The following AGK variants were observed in gnomAD, a reference collection of about 807,000 sequenced individuals.
AGK encodes the protein acylglycerol kinase, mitochondrial.
In AGK, 52 loss-of-function variants were observed where a neutral mutation model predicts 66.4. That is an observed-to-expected ratio of 0.78 (90% CI 0.63 to 0.99). AGK has a LOEUF of 0.99. AGK is among the 50% of genes least tolerant of loss of function. AGK has a pLI of 0.00. For missense variants in AGK, 451 were observed against 506.6 expected, an observed-to-expected ratio of 0.89 and a Z score of 1.05; for synonymous variants, 182 against 181.1, an observed-to-expected ratio of 1.00 and a Z score of -0.04.
At chr7:141,585,546 G>C (rs1795978514) in intron 2 of AGK, among the ~76,000 whole-genome samples, 1 of 152,110 alleles carries the variant, frequency 6.6e-6, no homozygotes, top group African/African-American at 2.4e-5. Context: ...ATGCACCAAG[G>C]GAAAAGCTGG....
At chr7:141,558,039 T>C (rs986144063) in intron 2 of AGK, among the ~76,000 whole-genome samples, 2 of 152,236 alleles carry the variant, frequency 1.3e-5, no homozygotes, top group African/African-American at 2.4e-5. Context: ...ACCACTATTC[T>C]ACTTTCTGTT....
At chr7:141,621,592 G>A (rs1796825936) in intron 8 of AGK, 140 bp from the exon 9 acceptor site, 1 of 645,076 alleles carries the variant, frequency 1.6e-6, no homozygotes, top group Admixed American at 2.8e-5. Context: ...GAGGGAAGGA[G>A]GGGGAGAGAG....
At chr7:141,649,799 C>T (rs867470609) in intron 14 of AGK, among the ~76,000 whole-genome samples, 4 of 152,252 alleles carry the variant, frequency 2.6e-5, no homozygotes, top group Non-Finnish European at 5.9e-5. Flanking sequence ...TTTTGAAGCA[C>T]TTCACAGTAT....
At chr7:141,608,157 G>C (rs1796504287) in intron 5 of AGK, among the ~76,000 whole-genome samples, 1 of 152,116 alleles carries the variant, frequency 6.6e-6, no homozygotes, top group Middle Eastern at 3.2e-3. Context: ...ATGCAGGTGA[G>C]AAACAAATAT....
intron 2 of AGK, among the ~76,000 whole-genome samples, chr7:141,569,852 A>C (rs997937228): frequency 3.3e-5 from 5 of 152,186 alleles, no homozygotes; most frequent in Admixed American, 1.3e-4. Context: ...AAGAACTGTA[A>C]GCTGAGATTA....
chr7:141,622,460 G>A (rs1796848355), intron 9 of AGK, among the ~76,000 whole-genome samples: 1 of 152,148 alleles, frequency 6.6e-6, no homozygotes, highest in Non-Finnish European at 1.5e-5. Flanking sequence ...TCATGACTCT[G>A]TGTCACATTT....
intron 2 of AGK, among the ~76,000 whole-genome samples, chr7:141,562,458 G>A (rs1396906807): frequency 6.6e-6 from 1 of 152,178 alleles, no homozygotes; most frequent in African/African-American, 2.4e-5. Flanking sequence ...GGCTCATAGA[G>A]AAATACCTTC....
intron 2 of AGK, among the ~76,000 whole-genome samples, chr7:141,579,895 T>G (rs1263634256): frequency 6.6e-6 from 1 of 151,660 alleles, no homozygotes; most frequent in Non-Finnish European, 1.5e-5. Flanking sequence ...TAGGTGGGAG[T>G]GACCAATGAG....
At chr7:141,563,544 A>G (rs1037339433) in intron 2 of AGK, among the ~76,000 whole-genome samples, 3 of 152,136 alleles carry the variant, frequency 2.0e-5, no homozygotes, top group Non-Finnish European at 4.4e-5. Context: ...TGGATGACCT[A>G]CCTAACAACT....
intron 2 of AGK, among the ~76,000 whole-genome samples, chr7:141,576,615 T>C (rs1466666903): frequency 1.3e-5 from 2 of 149,738 alleles, no homozygotes; most frequent in African/African-American, 5.0e-5. Context: ...TAGATACTGA[T>C]ACTAGAGACA....
At position 141,557,365 on chromosome 7, in the gene AGK, C is replaced by T. The variant is rs187443612; in HGVS notation, c.101+1798C>T. ...ATTTGTAATTAAGAAAAGGGTGGAG[C>T]GGATATTTTAACAAATGGAGCATGG... On this transcript the variant is annotated intron_variant, in intron 2 of 15. Coordinates refer to ENST00000649286, the MANE Select transcript of AGK (RefSeq NM_018238.4). Among the ~76,000 whole-genome samples the T allele has an allele frequency of 3.2e-3, 493 of 152,266 alleles. 3 individuals carry two copies. The highest frequency in any genetic ancestry group is 0.011 in the African/African-American group (464 of 41,560).
In AGK at chr7:141,583,020, C is replaced by T. The variant is rs566171955; in HGVS notation, c.102-10126C>T. Among the ~76,000 whole-genome samples the T allele has an allele frequency of 4.6e-5, 7 of 151,906 alleles. 1 individual carries two copies. Among genetic ancestry groups the T allele is most frequent in the Admixed American group, 4.6e-4 (7 of 15,280 alleles). Reference sequence around the variant, plus strand: ...GGACAAGTTGCATTGGGAACAGAGACTAGGAAGGGACCGATGTGTAAAAGA... The same window carrying T: ...GGACAAGTTGCATTGGGAACAGAGATTAGGAAGGGACCGATGTGTAAAAGA... On this transcript the variant is annotated intron_variant, in intron 2 of 15. Transcript: ENST00000649286.
At chr7:141,554,424 A>G (rs1179255866) in intron 1 of AGK, among the ~76,000 whole-genome samples, 1 of 152,128 alleles carries the variant, frequency 6.6e-6, no homozygotes, top group South Asian at 2.1e-4. Context: ...TAATTGGTAT[A>G]ATGCCAATTA....
chr7:141,551,488 C>G (rs768058394), intron 1 of AGK, 54 bp downstream of exon 1: 1 of 153,174 alleles, frequency 6.5e-6, no homozygotes, highest in Non-Finnish European at 1.5e-5. Context: ...TGGGACTGAG[C>G]GCGCGAGCGG....
At chr7:141,614,040 G>A in intron 6 of AGK, 106 bp from the exon 7 acceptor site, 1 of 787,516 alleles carries the variant, frequency 1.3e-6, no homozygotes, top group Non-Finnish European at 2.1e-6. Context: ...GAGCTTCTAA[G>A]AAGAAAACAG....
chr7:141,651,638 G>A (rs1797561477), intron 15 of AGK, 29 bp downstream of exon 15: 4 of 1,601,968 alleles, frequency 2.5e-6, no homozygotes, highest in Non-Finnish European at 3.4e-6. Flanking sequence ...GGTAGTCACA[G>A]CATTTGATTC....
At chr7:141,624,319 A>G (rs766909038) in intron 9 of AGK, among the ~76,000 whole-genome samples, 32 of 152,222 alleles carry the variant, frequency 2.1e-4, no homozygotes, top group Non-Finnish European at 3.5e-4. Context: ...CTATACAAAA[A>G]AACTTTGTAA....
intron 6 of AGK, among the ~76,000 whole-genome samples, chr7:141,613,061 T>G (rs919917558): frequency 6.6e-6 from 1 of 152,168 alleles, no homozygotes; most frequent in Non-Finnish European, 1.5e-5. Context: ...ATGTTGTAAT[T>G]GTTTTTATGG....
At chr7:141,647,339 G>T (rs1233955563) in intron 13 of AGK, among the ~76,000 whole-genome samples, 1 of 152,090 alleles carries the variant, frequency 6.6e-6, no homozygotes, top group Non-Finnish European at 1.5e-5. Context: ...CCTCGCCATG[G>T]TCTATGAGGC....
Sources: gnomAD v4.1 joint callset for allele counts (sites outside exome capture counted in the v4.1 genomes callset) on GRCh38, gnomAD v4.1.1 for gene constraint, MANE v1.5 for transcripts, NCBI Gene and HGNC (gene_info 2026-07-23, HGNC 2026-07-21) for gene names.